Variants in ZNF141 observed in about 807,000 individuals in gnomAD.
ZNF141 encodes zinc finger protein 141 (clone pHZ-44).
ZNF141 carries 7 observed loss-of-function variants against 11.3 expected under a neutral mutation model. The observed-to-expected ratio is 0.62, with a 90% CI of 0.35 to 1.16. The LOEUF (loss-of-function observed/expected upper bound fraction) is 1.16. ZNF141 is among the 50% of genes most tolerant of loss of function. ZNF141 has a pLI of 0.02. For missense variants in ZNF141, 535 were observed against 554.0 expected (o/e 0.97, Z 0.34); for synonymous variants, 183 against 190.7 (o/e 0.96, Z 0.33).
Position 373,751 on chromosome 4 carries a change from G to A in ZNF141, c.1314G>A (p.Leu438=). ...AAGCCTTTAAACAATTTTCGCTCCT[G>A]AGTCAACATAAGAAAATTCATACTG... ...CDKAFKQFSL[L]SQHKKIHTVD... is the part of the protein sequence containing the mutation. The change falls in exon 4 of 4, where the codon CTG becomes CTA. Residue 438 remains leucine, a synonymous_variant. Coordinates refer to ENST00000240499, the MANE Select transcript of ZNF141 (RefSeq NM_003441.4). 1 of 1,614,078 alleles carries A rather than the reference G, an allele frequency of 6.2e-7. No individual in the cohort carries two copies.
intron 1 of ZNF141, among the ~76,000 whole-genome samples, chr4:341,527 T>C (rs1171654174): frequency 6.6e-6 from 1 of 152,228 alleles, no homozygotes; most frequent in Non-Finnish European, 1.5e-5. Flanking sequence ...TACTGTATGT[T>C]ATACAAAAGA....
At chr4:355,639 A>G (rs1721805893) in intron 3 of ZNF141, among the ~76,000 whole-genome samples, 1 of 152,330 alleles carries the variant, frequency 6.6e-6, no homozygotes, top group South Asian at 2.1e-4. Context: ...TTAAATCTAC[A>G]GTAAGTCTCT....
chr4:357,994 C>T (rs78734670), intron 3 of ZNF141, among the ~76,000 whole-genome samples: 3 of 151,814 alleles, frequency 2.0e-5, no homozygotes, highest in Non-Finnish European at 4.4e-5. Context: ...GCTGGGATTA[C>T]AGGCATGAGC....
chr4:338,075 G>A (rs534741319), intron 1 of ZNF141, 89 bp downstream of exon 1: 1 of 1,574,826 alleles, frequency 6.3e-7, no homozygotes, highest in Non-Finnish European at 8.7e-7. Context: ...TGCGAACGGA[G>A]TCCCCGCTGC....
At chr4:342,991 G>C (rs1721122444) in intron 1 of ZNF141, 1 of 1,219,024 alleles carries the variant, frequency 8.2e-7, no homozygotes. Flanking sequence ...TTCCTTGCGT[G>C]GTTAAAAAAG....
rs570639890 is a variant in ZNF141 at position 378,835 on chromosome 4, A to ATTTTTTTTTTTT, written c.*4989_*5000dup. ...GTTGAATCCAAACAGTTTCTCAGTG[A>ATTTTTTTTTTTT]TTTTTTTTTTTTTTTTTTTTTTTTT... On this transcript the variant is annotated 3_prime_UTR_variant, in exon 4 of 4. Coordinates refer to ENST00000240499, the MANE Select transcript of ZNF141 (RefSeq NM_003441.4). 3.8e-5 allele frequency among the ~76,000 whole-genome samples: 3 copies of ATTTTTTTTTTTT among 78,626 alleles called. 1 individual carries two copies. Among genetic ancestry groups the ATTTTTTTTTTTT allele is most frequent in the African/African-American group, 1.2e-4 (2 of 16,556 alleles). The allele number at this position is 78,626 out of a possible 152,430, so 51.6% of individuals were successfully genotyped here. A position where few individuals can be genotyped will look rare whatever the true frequency, so the allele number is the denominator to read the frequency against.
chr4:342,867 G>A, intron 1 of ZNF141: 1 of 1,608,686 alleles, frequency 6.2e-7, no homozygotes, highest in Non-Finnish European at 8.5e-7. Flanking sequence ...TAGGCTGAGT[G>A]ACCTGAAGGT....
chr4:347,685 A>G (rs961572903), intron 3 of ZNF141, among the ~76,000 whole-genome samples: 1 of 151,416 alleles, frequency 6.6e-6, no homozygotes, highest in Non-Finnish European at 1.5e-5. Context: ...TAAGTTTATC[A>G]ATTTGCATCT....
intron 3 of ZNF141, among the ~76,000 whole-genome samples, chr4:368,546 G>A (rs1469933898): frequency 2.0e-5 from 3 of 152,136 alleles, no homozygotes; most frequent in South Asian, 2.1e-4. Flanking sequence ...CTGGCCAATC[G>A]GCCAATGTTT....
rs1721219883 is a variant in ZNF141, at chr4:344,448, G to T, written c.226+18G>T. ...ACCCCCAGGTAGGTGAGAGTGAATG[G>T]AGGAGAGGGCACAGGCAAGGGGACC... On this transcript the variant is annotated intron_variant, in intron 3 of 3. Coordinates refer to ENST00000240499, the MANE Select transcript of ZNF141 (RefSeq NM_003441.4). 6.3e-7 allele frequency: 1 copy of T among 1,597,066 alleles called. No individual in the cohort carries two copies. The highest frequency in any genetic ancestry group is 1.1e-5 in the South Asian group (1 of 90,736).
Position 384,325 on chromosome 4 carries a change from A to G in ZNF141, c.*10463A>G, listed in dbSNP as rs1553856121. On this transcript the variant is annotated 3_prime_UTR_variant, in exon 4 of 4. Transcript: ENST00000240499. ...CCTTGTTTACCATCTGATATTTGAA[A>G]AGAAGAGGAACCCCTGAGAAAGGAG... 6.6e-6 allele frequency: 1 copy of G among 152,306 alleles called. No homozygotes were observed. Among genetic ancestry groups the G allele is most frequent in the Non-Finnish European group, 1.5e-5 (1 of 68,122 alleles). 9.4% of individuals were successfully genotyped at this position (152,306 alleles called of 1,614,324 possible). A position where few individuals can be genotyped will look rare whatever the true frequency, so the allele number is the denominator to read the frequency against.
Position 378,580 on chromosome 4 carries a change from C to A in ZNF141, c.*4718C>A, listed in dbSNP as rs1553855015. 6.6e-6 allele frequency among the ~76,000 whole-genome samples: 1 copy of A among 152,004 alleles called. No individual in the cohort carries two copies. Among genetic ancestry groups the A allele is most frequent in the Admixed American group, 6.6e-5 (1 of 15,228 alleles). ...ACCGTGCCTGGCCAGAATATTATAT[C>A]TTTGAGTGTGAATGTTAAATGGTGG... On this transcript the variant is annotated 3_prime_UTR_variant, in exon 4 of 4. Transcript: ENST00000240499.
At chr4:338,066 G>T (rs1318540407) in intron 1 of ZNF141, 80 bp downstream of exon 1, 32 of 1,590,278 alleles carry the variant, frequency 2.0e-5, no homozygotes, top group South Asian at 4.5e-5. Flanking sequence ...GACCGAGTCT[G>T]CGAACGGAGT....
Position 380,878 on chromosome 4 carries a change from ATGT to A in ZNF141, c.*7020_*7022del, listed in dbSNP as rs1235507997. 8.5e-5 allele frequency among the ~76,000 whole-genome samples: 13 copies of A among 152,162 alleles called. No homozygotes were observed. The highest frequency in any genetic ancestry group is 2.4e-4 in the African/African-American group (10 of 41,444). On this transcript the variant is annotated 3_prime_UTR_variant, in exon 4 of 4. Coordinates refer to ENST00000240499, the MANE Select transcript of ZNF141 (RefSeq NM_003441.4). ...ATAAAAATTTAACAAAAATTGTTAA[ATGT>A]TGTCATATATGTGTGTGCAAAACGT...
In ZNF141 at chr4:367,554, T is replaced by A. The variant is rs1711808142; in HGVS notation, c.227-5110T>A. Reference sequence around the variant, plus strand: ...TTTTTTGATGTGGAGTCTCACTCTGTCACCCAGGCTGGAGTGCAGTGGTGC... The same window carrying A: ...TTTTTTGATGTGGAGTCTCACTCTGACACCCAGGCTGGAGTGCAGTGGTGC... On this transcript the variant is annotated intron_variant, in intron 3 of 3. Transcript: ENST00000240499. 2.6e-5 allele frequency among the ~76,000 whole-genome samples: 4 copies of A among 151,798 alleles called. No homozygotes were observed. The South Asian group carries it at 8.4e-4, about 32-fold the overall frequency.
At chr4:339,308 C>T (rs1720940059) in intron 1 of ZNF141, among the ~76,000 whole-genome samples, 1 of 152,256 alleles carries the variant, frequency 6.6e-6, no homozygotes, top group Admixed American at 6.5e-5. Context: ...CCTTTATGGG[C>T]TCAGGAATCA....
At chr4:357,789 T>C (rs903107338) in intron 3 of ZNF141, among the ~76,000 whole-genome samples, 2 of 150,704 alleles carry the variant, frequency 1.3e-5, no homozygotes, top group South Asian at 2.1e-4. Context: ...TCACTGCAGC[T>C]TGCGCCTCCC....
chr4:351,820 G>C (rs1041829654), intron 3 of ZNF141, among the ~76,000 whole-genome samples: 1 of 152,160 alleles, frequency 6.6e-6, no homozygotes, highest in Admixed American at 6.5e-5. Context: ...AATTAGACAG[G>C]GAAGGAGCCC....
chr4:348,779 G>C (rs1721458899), intron 3 of ZNF141, among the ~76,000 whole-genome samples: 1 of 150,080 alleles, frequency 6.7e-6, no homozygotes, highest in African/African-American at 2.4e-5. Context: ...TCTTTCTCAA[G>C]ATTGATTGCT....
Sources: gnomAD v4.1 joint callset for allele counts (sites outside exome capture counted in the v4.1 genomes callset) on GRCh38, gnomAD v4.1.1 for gene constraint, MANE v1.5 for transcripts, NCBI Gene and HGNC (gene_info 2026-07-23, HGNC 2026-07-21) for gene names.